Variants in ACTR8 observed in about 807,000 individuals in gnomAD.
The protein encoded by ACTR8 is actin related protein 8.
Under a neutral mutation model 84.3 loss-of-function variants are expected in ACTR8, and 70 were observed. The observed-to-expected ratio is 0.83, with a 90% CI of 0.68 to 1.01. The LOEUF is 1.01. Ranked by LOEUF, ACTR8 falls within the 50% of genes least tolerant of loss-of-function variation. The pLI is 0.00. For synonymous variants in ACTR8, 268 were observed against 275.2 expected (o/e 0.97, Z 0.26); for missense variants, 672 against 775.4 (o/e 0.87, Z 1.58).
Position 53,868,802 on chromosome 3 carries a change from T to C in ACTR8, c.1792A>G (p.Thr598Ala), listed in dbSNP as rs1402251760. Reference protein sequence around the residue: ...GGAVLACLDTTQELWIYQREW... With the variant: ...GGAVLACLDTAQELWIYQREW... ...CGCTGATAAATCCACAGTTCCTGTG[T>C]TGTATCCAAACAAGCCAACACTGCC... The change falls in exon 13 of 13, where the codon ACA becomes GCA. Residue 598 changes from threonine (T) to alanine (A), a missense_variant. Transcript: ENST00000335754. 1.2e-6 allele frequency: 2 copies of C among 1,614,106 alleles called. No homozygotes were observed. The highest frequency in any genetic ancestry group is 1.7e-5 in the Admixed American group (1 of 60,012).
At chr3:53,865,467 T>C (rs1316758364), downstream of ACTR8, 1 of 562,320 alleles carries the variant, frequency 1.8e-6, no homozygotes, top group Non-Finnish European at 3.1e-6. Flanking sequence ...CTAACTAATG[T>C]AGCATTAACT....
At chr3:53,860,705 G>C in the ACTR8 span, 1 of 152,042 alleles carries the variant, frequency 6.6e-6, no homozygotes, top group African/African-American at 2.4e-5. Context: ...ATTTTTTGGA[G>C]ATTTGTATCA....
downstream of ACTR8, among the ~76,000 whole-genome samples, chr3:53,866,583 G>A (rs1302774455): frequency 2.0e-5 from 3 of 151,778 alleles, no homozygotes; most frequent in African/African-American, 7.3e-5. Flanking sequence ...CCGGGTTCAC[G>A]CCATTCTCCT....
At chr3:53,861,181 C>T in the ACTR8 span, 5 of 152,080 alleles carry the variant, frequency 3.3e-5, no homozygotes, top group Non-Finnish European at 5.9e-5. Context: ...TGGTATTTTT[C>T]GTGTTTAGTG....
At chr3:53,878,303 T>C (rs1356534840) in intron 3 of ACTR8, 54 bp downstream of exon 3, 4 of 1,271,814 alleles carry the variant, frequency 3.1e-6, no homozygotes, top group Non-Finnish European at 4.6e-6. Context: ...ATGTGAATGG[T>C]ATTATGATAC....
downstream of ACTR8, chr3:53,866,999 T>C (rs2107041524): frequency 6.6e-6 from 1 of 152,294 alleles, no homozygotes; most frequent in South Asian, 2.1e-4. Context: ...AAAATCAAAA[T>C]GAAGCATAAA....
At chr3:53,871,747 T>A (rs1216982034) in intron 10 of ACTR8, among the ~76,000 whole-genome samples, 1 of 152,190 alleles carries the variant, frequency 6.6e-6, no homozygotes, top group Non-Finnish European at 1.5e-5. Flanking sequence ...CATCACTGGT[T>A]AGATTTTAAA....
rs776634904 is a variant in ACTR8 at position 53,881,976 on chromosome 3, C to CGG, written c.123+2_123+3insCC. The CGG allele has an allele frequency of 1.3e-6, 2 of 1,555,026 alleles. No individual in the cohort carries two copies. The highest frequency in any genetic ancestry group is 2.4e-5 in the South Asian group (2 of 84,406). The stretch of plus-strand genomic sequence containing the variant: ...AAGAGTTCCAACCCAGCCAGAGCCG[C>CGG]ACCTCTTGCAGCGACTCCGGCACCA... On this transcript the variant is annotated splice_region_variant and intron_variant, in intron 1 of 12. Coordinates refer to ENST00000335754, the MANE Select transcript of ACTR8 (RefSeq NM_022899.5).
chr3:53,869,643 G>A (rs1024241536), intron 12 of ACTR8, among the ~76,000 whole-genome samples: 4 of 152,210 alleles, frequency 2.6e-5, no homozygotes, highest in Non-Finnish European at 4.4e-5. Context: ...GGAGCAGAAG[G>A]AGATCCTTAA....
At chr3:53,863,722 C>T (rs1361811924), downstream of ACTR8, among the ~76,000 whole-genome samples, 1 of 152,122 alleles carries the variant, frequency 6.6e-6, no homozygotes, top group Non-Finnish European at 1.5e-5. Flanking sequence ...CAAGCAACTA[C>T]CTAATTGACC....
At chr3:53,861,712 A>G in the ACTR8 span, 2 of 152,234 alleles carry the variant, frequency 1.3e-5, no homozygotes. Flanking sequence ...AACTGTCAAG[A>G]TAACAGGAGA....
At chr3:53,874,153 A>G in intron 8 of ACTR8, 58 bp downstream of exon 8, 1 of 1,552,704 alleles carries the variant, frequency 6.4e-7, no homozygotes, top group South Asian at 1.2e-5. Flanking sequence ...GTATCTTTTA[A>G]ATCTCTTAAA....
At chr3:53,869,078 A>C (rs1699844013) in intron 12 of ACTR8, among the ~76,000 whole-genome samples, 1 of 152,208 alleles carries the variant, frequency 6.6e-6, no homozygotes, top group African/African-American at 2.4e-5. Flanking sequence ...TCAGGAGATC[A>C]AGACCATCCT....
Position 53,881,985 on chromosome 3 carries a change from C to T in ACTR8, c.117G>A (p.Leu39=). ...PIVPALVPES[L]QEQIQSNFII... ...AACCCAGCCAGAGCCGCACCTCTTG[C>T]AGCGACTCCGGCACCAGCGCGGGCA... Residue 39 remains leucine, a synonymous_variant, in exon 1 of 13, where the codon CTG becomes CTA. Coordinates refer to ENST00000335754, the MANE Select transcript of ACTR8 (RefSeq NM_022899.5). 1 of 1,554,362 alleles carries T rather than the reference C, an allele frequency of 6.4e-7. No individual in the cohort carries two copies. The highest frequency in any genetic ancestry group is 8.7e-7 in the Non-Finnish European group (1 of 1,148,136).
chr3:53,877,468 T>A, intron 4 of ACTR8, 81 bp from the exon 5 acceptor site: 6 of 1,425,102 alleles, frequency 4.2e-6, no homozygotes, highest in Non-Finnish European at 5.7e-6. Context: ...AAAATCTAAC[T>A]AACGTTTGCT....
chr3:53,859,211 T>C, the ACTR8 span: 2 of 159,048 alleles, frequency 1.3e-5, no homozygotes, highest in South Asian at 4.0e-4. Context: ...GGATGAGCTT[T>C]TGGTGTGGTC....
chr3:53,877,276 T>C lies in ACTR8; in HGVS notation c.622A>G (p.Ile208Val), dbSNP rs753328225. The change falls in exon 5 of 13, where the codon ATT becomes GTT. Residue 208 changes from isoleucine to valine, a missense_variant. By Grantham distance (29) the Ile-to-Val change is conservative. Transcript: ENST00000335754. Reference sequence around the variant, plus strand: ...ATCGCATGAGACCATATTACTTCAATATCTGCCAGAACAGCTGTAAGAGAG... The same window carrying C: ...ATCGCATGAGACCATATTACTTCAACATCTGCCAGAACAGCTGTAAGAGAG... ...GGSLTAVLADIEVIWSHAIQK... is the reference protein window; with the variant it reads ...GGSLTAVLADVEVIWSHAIQK... The C allele has an allele frequency of 1.2e-6, 2 of 1,614,082 alleles. No individual in the cohort carries two copies. The highest frequency in any genetic ancestry group is 2.2e-5 in the East Asian group (1 of 44,882).
chr3:53,871,287 A>T lies in ACTR8; in HGVS notation c.1512T>A (p.Phe504Leu). Residue 504 changes from phenylalanine (F) to leucine (L), a missense_variant, in exon 11 of 13, where the codon TTT becomes TTA. Coordinates refer to ENST00000335754, the MANE Select transcript of ACTR8 (RefSeq NM_022899.5). Reference protein sequence around the residue: ...LMSRKTAISLFEGKALGLDKA... With the variant: ...LMSRKTAISLLEGKALGLDKA... ...TATCCAGGCCCAGGGCTTTTCCTTC[A>T]AACAGCGAGATGGCAGTCTTCCTGG... The T allele has an allele frequency of 6.2e-7, 1 of 1,614,248 alleles. No homozygotes were observed. The highest frequency in any genetic ancestry group is 8.5e-7 in the Non-Finnish European group (1 of 1,180,044).
intron 6 of ACTR8, 34 bp from the exon 7 acceptor site, chr3:53,876,114 T>A: frequency 6.2e-7 from 1 of 1,612,142 alleles, no homozygotes; most frequent in Non-Finnish European, 8.5e-7. Context: ...GAGTAGTCAT[T>A]AGCTGTAGCA....
Sources: allele counts gnomAD v4.1 joint callset (sites outside exome capture counted in the v4.1 genomes callset), GRCh38; gene constraint gnomAD v4.1.1; transcripts MANE v1.5; gene names NCBI Gene and HGNC (gene_info 2026-07-23, HGNC 2026-07-21).